ADAMTS3: variants seen among roughly 807,000 people sequenced by gnomAD.
The protein encoded by ADAMTS3 is A disintegrin and metalloproteinase with thrombospondin motifs 3.
A neutral mutation model predicts 129.0 loss-of-function variants in ADAMTS3; 73 were observed. The observed-to-expected ratio is 0.57, with a 90% confidence interval of 0.47 to 0.69. ADAMTS3 has a LOEUF of 0.69. Ranked by LOEUF, ADAMTS3 falls within the 30% of genes least tolerant of loss-of-function variation. The probability of loss-of-function intolerance (pLI) is 0.00; values close to 1 mark genes in which losing one functional copy is unlikely to be tolerated. For missense variants in ADAMTS3, 1,457 were observed against 1,514.5 expected, an observed-to-expected ratio of 0.96 and a Z score of 0.63; for synonymous variants, 477 against 510.8, an observed-to-expected ratio of 0.93 and a Z score of 0.89.
chr4:72,514,635 T>C (rs1203337135), intron 3 of ADAMTS3, among the ~76,000 whole-genome samples: 2 of 152,126 alleles, frequency 1.3e-5, no homozygotes, highest in South Asian at 2.1e-4. Flanking sequence ...TAGTATTCAC[T>C]ACCGACTGGA....
intron 5 of ADAMTS3, among the ~76,000 whole-genome samples, chr4:72,331,771 G>C (rs895552393): frequency 6.6e-6 from 1 of 152,074 alleles, no homozygotes; most frequent in African/African-American, 2.4e-5. Flanking sequence ...TGCCAGTTGA[G>C]TTGAAAAAGT....
intron 2 of ADAMTS3, among the ~76,000 whole-genome samples, chr4:72,553,933 C>A (rs1301229624): frequency 6.6e-6 from 1 of 152,096 alleles, no homozygotes; most frequent in Non-Finnish European, 1.5e-5. Context: ...TGTTCAGAAG[C>A]TAGGCAGTCA....
chr4:72,453,170 A>T (rs894874561), intron 3 of ADAMTS3, among the ~76,000 whole-genome samples: 19 of 151,804 alleles, frequency 1.3e-4, no homozygotes, highest in African/African-American at 4.3e-4. Context: ...ATTCTAAAAA[A>T]CATAGAGAAA....
rs1719527544 is a variant in ADAMTS3 at position 72,320,602 on chromosome 4, T to A, written c.1102+112A>T. On this transcript the variant is annotated intron_variant, in intron 7 of 21. Transcript: ENST00000286657. ...AAAGAAAATGTATGCTTGGCCGGTG[T>A]GTGGTGGAAAGCAGTGGTGGAGAGC... 4.6e-6 allele frequency: 5 copies of A among 1,090,702 alleles called. No individual in the cohort carries two copies. The East Asian group carries it at 1.2e-4, about 27-fold the overall frequency. 67.6% of individuals were successfully genotyped at this position (1,090,702 alleles called of 1,614,324 possible).
At chr4:72,448,432 C>A (rs1718311414) in intron 3 of ADAMTS3, among the ~76,000 whole-genome samples, 1 of 151,748 alleles carries the variant, frequency 6.6e-6, no homozygotes. Flanking sequence ...GCTCTTAACA[C>A]CAAAGCATCG....
intron 3 of ADAMTS3, among the ~76,000 whole-genome samples, chr4:72,440,147 T>C (rs1384904016): frequency 6.6e-6 from 1 of 151,820 alleles, no homozygotes; most frequent in East Asian, 1.9e-4. Flanking sequence ...GTGACAATTA[T>C]ATAATACTAA....
At chr4:72,302,325 T>C (rs1313540938) in intron 17 of ADAMTS3, among the ~76,000 whole-genome samples, 1 of 146,558 alleles carries the variant, frequency 6.8e-6, no homozygotes, top group Non-Finnish European at 1.5e-5. Flanking sequence ...AAGAACCAAA[T>C]GGAAATTCTA....
At chr4:72,526,638 C>T (rs1720815547) in intron 3 of ADAMTS3, among the ~76,000 whole-genome samples, 1 of 130,216 alleles carries the variant, frequency 7.7e-6, no homozygotes, top group African/African-American at 2.9e-5. Context: ...GTGTACACAT[C>T]AAAATACCCA....
intron 3 of ADAMTS3, among the ~76,000 whole-genome samples, chr4:72,447,600 A>T (rs1718292562): frequency 6.6e-6 from 1 of 151,792 alleles, no homozygotes; most frequent in South Asian, 2.1e-4. Context: ...TGTATTCAAA[A>T]ACAAGTGAGG....
chr4:72,534,252 G>A (rs969840891), intron 3 of ADAMTS3, among the ~76,000 whole-genome samples: 22 of 152,022 alleles, frequency 1.4e-4, no homozygotes, highest in African/African-American at 5.1e-4. Flanking sequence ...GCGTGAACCC[G>A]GGTGGCGGAG....
intron 4 of ADAMTS3, among the ~76,000 whole-genome samples, chr4:72,351,651 G>A (rs1367912075): frequency 6.6e-6 from 1 of 151,250 alleles, no homozygotes; most frequent in Non-Finnish European, 1.5e-5. Flanking sequence ...ATGTATTTAC[G>A]GGAAGAAACT....
At chr4:72,333,911 G>A (rs1465519075) in intron 5 of ADAMTS3, among the ~76,000 whole-genome samples, 26 of 140,662 alleles carry the variant, frequency 1.8e-4, no homozygotes, top group Admixed American at 1.2e-3. Context: ...GTGCAGTGGC[G>A]CGATCTAGGC....
intron 4 of ADAMTS3, among the ~76,000 whole-genome samples, chr4:72,378,060 C>A (rs1427333445): frequency 1.3e-5 from 2 of 152,252 alleles, no homozygotes; most frequent in Admixed American, 6.5e-5. Context: ...AAATACTCTT[C>A]CTTAGATAAA....
chr4:72,384,363 T>C (rs563539717), intron 4 of ADAMTS3, among the ~76,000 whole-genome samples: 7 of 152,254 alleles, frequency 4.6e-5, no homozygotes, highest in African/African-American at 1.7e-4. Flanking sequence ...ACATGGGCAG[T>C]TTTTAGTCAC....
At chr4:72,326,844 T>C (rs77597747) in intron 5 of ADAMTS3, among the ~76,000 whole-genome samples, 4,628 of 152,254 alleles carry the variant, frequency 0.03, 244 homozygotes, top group African/African-American at 0.11. Flanking sequence ...ACATCTAGTT[T>C]AAATTATCAA....
At chr4:72,304,399 T>C (rs1719032119) in intron 16 of ADAMTS3, among the ~76,000 whole-genome samples, 1 of 152,136 alleles carries the variant, frequency 6.6e-6, no homozygotes. Flanking sequence ...TATATTTCCT[T>C]AGAAAACTGG....
chr4:72,451,933 A>G (rs985786409), intron 3 of ADAMTS3, among the ~76,000 whole-genome samples: 18 of 151,640 alleles, frequency 1.2e-4, no homozygotes, highest in African/African-American at 4.4e-4. Context: ...CCCCTTCTCT[A>G]TAAAAAATTA....
chr4:72,397,288 G>A (rs1207648336), intron 4 of ADAMTS3, among the ~76,000 whole-genome samples: 3 of 151,916 alleles, frequency 2.0e-5, no homozygotes, highest in African/African-American at 7.3e-5. Context: ...TATATCAGCC[G>A]GGCGCAGTGG....
intron 4 of ADAMTS3, among the ~76,000 whole-genome samples, chr4:72,408,221 A>G (rs1722098693): frequency 6.6e-6 from 1 of 152,074 alleles, no homozygotes; most frequent in Non-Finnish European, 1.5e-5. Flanking sequence ...TTTTTCCCAC[A>G]TTTTCTTTTT....
Sources: allele counts gnomAD v4.1 joint callset (sites outside exome capture counted in the v4.1 genomes callset), GRCh38; gene constraint gnomAD v4.1.1; transcripts MANE v1.5; gene names NCBI Gene and HGNC (gene_info 2026-07-23, HGNC 2026-07-21).